Variants in LRRTM4 observed in about 807,000 individuals in gnomAD.
The protein encoded by LRRTM4 is leucine rich repeat transmembrane neuronal 4, also known as leucine-rich repeat transmembrane neuronal protein 4.
A neutral mutation model predicts 47.6 loss-of-function variants in LRRTM4; 25 were observed. That is an observed-to-expected ratio of 0.53 (90% CI 0.38 to 0.73). LRRTM4 has a LOEUF of 0.73. Ranked by LOEUF, LRRTM4 falls within the 30% of genes least tolerant of loss-of-function variation. The pLI is 0.00. For missense variants in LRRTM4, 638 were observed against 713.4 expected, an observed-to-expected ratio of 0.89 and a Z score of 1.20; for synonymous variants, 311 against 269.5, an observed-to-expected ratio of 1.15 and a Z score of -1.51.
intron 3 of LRRTM4, among the ~76,000 whole-genome samples, chr2:77,295,459 G>A (rs900556187): frequency 5.3e-5 from 8 of 152,080 alleles, no homozygotes; most frequent in Non-Finnish European, 7.4e-5. Flanking sequence ...GCAAGTCCAC[G>A]CAAATTCCTC....
chr2:77,260,843 T>A (rs1675901297), intron 3 of LRRTM4, among the ~76,000 whole-genome samples: 1 of 152,126 alleles, frequency 6.6e-6, no homozygotes, highest in South Asian at 2.1e-4. Context: ...GAACCTTATG[T>A]GAATGTATGA....
intron 3 of LRRTM4, among the ~76,000 whole-genome samples, chr2:77,056,546 A>T (rs1342896968): frequency 1.3e-5 from 2 of 152,164 alleles, no homozygotes; most frequent in African/African-American, 4.8e-5. Flanking sequence ...TAAAGAGATG[A>T]AAGTAATTGA....
chr2:77,176,992 G>T (rs552144105), intron 3 of LRRTM4, among the ~76,000 whole-genome samples: 2 of 151,988 alleles, frequency 1.3e-5, no homozygotes, highest in East Asian at 3.9e-4. Flanking sequence ...ATCACATATG[G>T]TCTGAAAAAG....
chr2:77,267,237 G>A (rs903196069), intron 3 of LRRTM4, among the ~76,000 whole-genome samples: 1 of 152,112 alleles, frequency 6.6e-6, no homozygotes, highest in Non-Finnish European at 1.5e-5. Context: ...ATCTAGAAAG[G>A]CCACTTGCCT....
chr2:76,841,666 A>G (rs1671687010), intron 3 of LRRTM4, among the ~76,000 whole-genome samples: 1 of 144,050 alleles, frequency 6.9e-6, no homozygotes, highest in Non-Finnish European at 1.5e-5. Context: ...AACCTGGAGA[A>G]AAAAAAAAAA....
At chr2:77,220,827 A>C (rs1430313533) in intron 3 of LRRTM4, among the ~76,000 whole-genome samples, 1 of 152,226 alleles carries the variant, frequency 6.6e-6, no homozygotes, top group East Asian at 1.9e-4. Context: ...AAGGCAGGCC[A>C]ACATTCAAAT....
intron 3 of LRRTM4, among the ~76,000 whole-genome samples, chr2:76,919,160 T>C (rs1674350958): frequency 6.6e-6 from 1 of 152,170 alleles, no homozygotes; most frequent in Admixed American, 6.5e-5. Context: ...AGAGCCTTCA[T>C]GTGCAGGGAT....
At chr2:77,033,986 A>AT (rs896346501) in intron 3 of LRRTM4, among the ~76,000 whole-genome samples, 2 of 151,814 alleles carry the variant, frequency 1.3e-5, no homozygotes, top group African/African-American at 2.4e-5. Context: ...AGATTTCAAG[A>AT]TTTTTTAATA....
At chr2:77,025,574 T>C (rs924191836) in intron 3 of LRRTM4, among the ~76,000 whole-genome samples, 2 of 152,160 alleles carry the variant, frequency 1.3e-5, no homozygotes, top group Non-Finnish European at 2.9e-5. Context: ...TCAATAATCA[T>C]CATCCAAATA....
chr2:77,411,095 T>C (rs907771339), intron 3 of LRRTM4, among the ~76,000 whole-genome samples: 1 of 152,140 alleles, frequency 6.6e-6, no homozygotes, highest in Non-Finnish European at 1.5e-5. Flanking sequence ...AAATAAAATG[T>C]AGAGGGGTAG....
chr2:76,866,565 T>G (rs10520167), intron 3 of LRRTM4, among the ~76,000 whole-genome samples: 3,777 of 152,260 alleles, frequency 0.025, 154 homozygotes, highest in African/African-American at 0.079. Context: ...AACTCTGAAC[T>G]GTATCCTTTT....
At chr2:76,775,115 T>C (rs984710133) in intron 3 of LRRTM4, among the ~76,000 whole-genome samples, 1 of 152,198 alleles carries the variant, frequency 6.6e-6, no homozygotes, top group African/African-American at 2.4e-5. Flanking sequence ...TTTCTTTGAT[T>C]GGCTCTATCA....
intron 3 of LRRTM4, among the ~76,000 whole-genome samples, chr2:77,196,630 G>A (rs1348093344): frequency 6.6e-6 from 1 of 152,044 alleles, no homozygotes. Context: ...TGTATTCCCA[G>A]CTTAGTAGGC....
chr2:77,454,501 C>A (rs1056637585), intron 3 of LRRTM4, among the ~76,000 whole-genome samples: 21 of 152,046 alleles, frequency 1.4e-4, no homozygotes, highest in Admixed American at 3.3e-4. Flanking sequence ...TGCACCAACA[C>A]AAAACGACCA....
At chr2:77,056,706 C>T (rs1679621171) in intron 3 of LRRTM4, among the ~76,000 whole-genome samples, 1 of 152,114 alleles carries the variant, frequency 6.6e-6, no homozygotes, top group Non-Finnish European at 1.5e-5. Context: ...TGGGTATATT[C>T]TTGGCTAAAT....
rs539622180 is a variant in LRRTM4 at position 76,779,920 on chromosome 2, T to C, written c.1552-31004A>G. Among the ~76,000 whole-genome samples the C allele has an allele frequency of 6.9e-4, 105 of 152,080 alleles. No homozygotes were observed. In the East Asian group the frequency reaches 0.016, roughly 24 times the overall value. On this transcript the variant is annotated intron_variant, in intron 3 of 3. Coordinates refer to ENST00000409884, the MANE Select transcript of LRRTM4 (RefSeq NM_001134745.3). Reference sequence around the variant, plus strand: ...GGTACCGGTTGTTCCTTTCCATGTTTAGTGCTTCCTTCAGGAGCTCTTGTA... The same window carrying C: ...GGTACCGGTTGTTCCTTTCCATGTTCAGTGCTTCCTTCAGGAGCTCTTGTA...
chr2:77,497,354 T>G (rs1246818915), intron 3 of LRRTM4, among the ~76,000 whole-genome samples: 2 of 143,192 alleles, frequency 1.4e-5, no homozygotes, highest in Middle Eastern at 3.4e-3. Flanking sequence ...TTTGATTTGC[T>G]CTGTTTTTTT....
chr2:77,217,980 AT>A (rs983933571), intron 3 of LRRTM4, among the ~76,000 whole-genome samples: 39 of 151,234 alleles, frequency 2.6e-4, no homozygotes, highest in South Asian at 6.3e-4. Context: ...ACTGAGCTTT[AT>A]TTTTTTTTAT....
At chr2:77,219,866 C>T (rs1229426310) in intron 3 of LRRTM4, among the ~76,000 whole-genome samples, 1 of 152,136 alleles carries the variant, frequency 6.6e-6, no homozygotes, top group Non-Finnish European at 1.5e-5. Context: ...TAATGGTTCT[C>T]CCAGCACACA....
Sources: gnomAD v4.1 joint callset for allele counts (sites outside exome capture counted in the v4.1 genomes callset) on GRCh38, gnomAD v4.1.1 for gene constraint, MANE v1.5 for transcripts, NCBI Gene and HGNC (gene_info 2026-07-23, HGNC 2026-07-21) for gene names.